The following KCNK13 variants were observed in gnomAD, a reference collection of about 807,000 sequenced individuals.
The protein encoded by KCNK13 is potassium two pore domain channel subfamily K member 13.
Under a neutral mutation model 23.4 loss-of-function variants are expected in KCNK13, and 12 were observed. The observed-to-expected ratio is 0.51, with a 90% CI of 0.33 to 0.83. The LOEUF is 0.83. Among genes scored for constraint, KCNK13 ranks in the 40% least tolerant of loss-of-function variants. The pLI, the probability that KCNK13 is intolerant of heterozygous loss-of-function variation, is 0.02. For missense variants in KCNK13, 463 were observed against 556.3 expected, an observed-to-expected ratio of 0.83 and a Z score of 1.69; for synonymous variants, 231 against 229.5, an observed-to-expected ratio of 1.01 and a Z score of -0.06.
At chr14:90,085,100 G>A (rs777171531) in intron 1 of KCNK13, among the ~76,000 whole-genome samples, 1 of 151,632 alleles carries the variant, frequency 6.6e-6, no homozygotes, top group Non-Finnish European at 1.5e-5. Context: ...GTGCCACGAC[G>A]CCCAGCTAAT....
chr14:90,153,032 A>G (rs1398967648), intron 1 of KCNK13, among the ~76,000 whole-genome samples: 1 of 152,050 alleles, frequency 6.6e-6, no homozygotes, highest in Admixed American at 6.6e-5. Context: ...GCCTGAGCAC[A>G]CCATGCTCTT....
chr14:90,069,030 CTTTTTTTTTT>C lies in KCNK13; in HGVS notation c.334+6506_334+6515del, dbSNP rs34881625. 8.4e-4 allele frequency among the ~76,000 whole-genome samples: 76 copies of C among 90,104 alleles called. No homozygotes were observed. In the South Asian group the frequency reaches 0.025, roughly 30 times the overall value. The allele number at this position is 90,104 out of a possible 152,430, so 59.1% of individuals were successfully genotyped here. A position where few individuals can be genotyped will look rare whatever the true frequency, so the allele number is the denominator to read the frequency against. ...TAGATTCTCAACAACAGTTTTTATTCTTTTTTTTTTTTTTTTTTTTTTTTGAGACAGAGTT... is the reference window on the plus strand; with the variant it reads ...TAGATTCTCAACAACAGTTTTTATTCTTTTTTTTTTTTTTGAGACAGAGTT... On this transcript the variant is annotated intron_variant, in intron 1 of 1. Coordinates refer to ENST00000282146, the MANE Select transcript of KCNK13 (RefSeq NM_022054.4).
At chr14:90,154,485 G>A (rs777865842) in intron 1 of KCNK13, among the ~76,000 whole-genome samples, 2 of 152,098 alleles carry the variant, frequency 1.3e-5, no homozygotes, top group Non-Finnish European at 2.9e-5. Context: ...CACAATGCTT[G>A]CTCTCTTACC....
At chr14:90,170,208 A>G (rs916156701) in intron 1 of KCNK13, among the ~76,000 whole-genome samples, 2 of 152,058 alleles carry the variant, frequency 1.3e-5, no homozygotes, top group South Asian at 2.1e-4. Context: ...ACAAGCCTCA[A>G]TCATTTTATT....
At chr14:90,154,334 A>G (rs1218936523) in intron 1 of KCNK13, among the ~76,000 whole-genome samples, 5 of 140,234 alleles carry the variant, frequency 3.6e-5, no homozygotes, top group Non-Finnish European at 6.1e-5. Context: ...CCACAATGCC[A>G]TGCTCTCCCA....
At chr14:90,150,033 G>T (rs1299221914) in intron 1 of KCNK13, among the ~76,000 whole-genome samples, 10 of 152,122 alleles carry the variant, frequency 6.6e-5, no homozygotes, top group Middle Eastern at 3.2e-3. Context: ...TACCAGAGGG[G>T]TGTGTACATG....
At chr14:90,151,604 C>T (rs1384970328) in intron 1 of KCNK13, among the ~76,000 whole-genome samples, 1 of 152,020 alleles carries the variant, frequency 6.6e-6, no homozygotes, top group Admixed American at 6.5e-5. Flanking sequence ...TGATTATTTT[C>T]TTTGCTGTGC....
intron 1 of KCNK13, among the ~76,000 whole-genome samples, chr14:90,151,939 T>C (rs1366175305): frequency 6.6e-5 from 10 of 152,208 alleles, no homozygotes; most frequent in Non-Finnish European, 1.2e-4. Flanking sequence ...TGTAAATGTG[T>C]GGATTTATTT....
chr14:90,183,000 G>C (rs926171431), intron 1 of KCNK13, among the ~76,000 whole-genome samples: 3 of 152,110 alleles, frequency 2.0e-5, no homozygotes, highest in Admixed American at 1.3e-4. Context: ...TGCTTGGAAA[G>C]AACCCTCATC....
chr14:90,135,109 A>C (rs554296217), intron 1 of KCNK13, among the ~76,000 whole-genome samples: 40 of 152,326 alleles, frequency 2.6e-4, no homozygotes, highest in Non-Finnish European at 4.1e-4. Flanking sequence ...CACTTGGGGA[A>C]CTCACACCTC....
intron 1 of KCNK13, among the ~76,000 whole-genome samples, chr14:90,098,836 T>TG (rs1361538362): frequency 6.6e-6 from 1 of 151,924 alleles, no homozygotes; most frequent in Non-Finnish European, 1.5e-5. Flanking sequence ...CCCGGCACTT[T>TG]GGGGGGGCCG....
intron 1 of KCNK13, among the ~76,000 whole-genome samples, chr14:90,163,951 C>T (rs993323517): frequency 1.3e-5 from 2 of 152,174 alleles, no homozygotes; most frequent in African/African-American, 4.8e-5. Flanking sequence ...CTCAGCCTCC[C>T]AAAGTGCTGG....
chr14:90,063,293 C>T (rs1371994752), intron 1 of KCNK13, among the ~76,000 whole-genome samples: 1 of 152,088 alleles, frequency 6.6e-6, no homozygotes, highest in Non-Finnish European at 1.5e-5. Context: ...CCTTCACTGA[C>T]AGACTGAGGA....
intron 1 of KCNK13, among the ~76,000 whole-genome samples, chr14:90,144,236 T>G (rs1890047657): frequency 6.6e-6 from 1 of 152,198 alleles, no homozygotes. Context: ...CTCAGTAATG[T>G]TTTGTAGTTT....
chr14:90,099,595 C>T (rs1327365060), intron 1 of KCNK13, among the ~76,000 whole-genome samples: 1 of 152,098 alleles, frequency 6.6e-6, no homozygotes, highest in East Asian at 1.9e-4. Flanking sequence ...CCATTTTGGA[C>T]AACTAGGGAG....
intron 1 of KCNK13, among the ~76,000 whole-genome samples, chr14:90,107,394 C>T (rs947253151): frequency 7.9e-5 from 12 of 152,128 alleles, no homozygotes; most frequent in African/African-American, 1.9e-4. Context: ...AGGAGAATGG[C>T]GTGAACCTGG....
chr14:90,182,733 A>T (rs1890502094), intron 1 of KCNK13, among the ~76,000 whole-genome samples: 1 of 151,900 alleles, frequency 6.6e-6, no homozygotes, highest in Non-Finnish European at 1.5e-5. Flanking sequence ...AGGCAGGAGG[A>T]TCACCTGAAC....
chr14:90,062,373 C>T lies in KCNK13; in HGVS notation c.168C>T (p.Arg56=). 3 of 1,554,602 alleles carry T rather than the reference C, an allele frequency of 1.9e-6. No homozygotes were observed. The highest frequency in any genetic ancestry group is 2.6e-6 in the Non-Finnish European group (3 of 1,150,900). Residue 56 remains arginine, a synonymous_variant, in exon 1 of 2, where the codon CGC becomes CGT. Coordinates refer to ENST00000282146, the MANE Select transcript of KCNK13 (RefSeq NM_022054.4). The surrounding 1 kb of genome is among the most constrained non-coding windows in gnomAD (Gnocchi z 4.5). ...ERQAKQRWEE[R]LANFSRGHNL... is the part of the protein sequence containing the mutation. ...AGGCCAAGCAGCGCTGGGAGGAGCG[C>T]CTGGCCAACTTCAGCCGCGGCCACA...
At chr14:90,076,980 T>C (rs902597075) in intron 1 of KCNK13, among the ~76,000 whole-genome samples, 4 of 151,700 alleles carry the variant, frequency 2.6e-5, no homozygotes, top group East Asian at 1.9e-4. Context: ...CCACCACACC[T>C]GGCTAATTTT....
Sources: gnomAD v4.1 joint callset for allele counts (sites outside exome capture counted in the v4.1 genomes callset) on GRCh38, gnomAD v4.1.1 for gene constraint, Gnocchi (gnomAD v3.1) non-coding constraint, MANE v1.5 for transcripts, NCBI Gene and HGNC (gene_info 2026-07-23, HGNC 2026-07-21) for gene names.